SETMAR: variants seen among roughly 807,000 people sequenced by gnomAD.
SETMAR encodes the protein SET and mariner transposase domain methyltransferase.
SETMAR carries 44 observed loss-of-function variants against 58.4 expected under a neutral mutation model. That is an observed-to-expected ratio of 0.75 (90% CI 0.59 to 0.97). SETMAR has a LOEUF of 0.97. Among genes scored for constraint, SETMAR ranks in the 50% least tolerant of loss-of-function variants. The pLI, the probability that SETMAR is intolerant of heterozygous loss-of-function variation, is 0.00. For missense variants in SETMAR, 903 were observed against 840.2 expected, an observed-to-expected ratio of 1.07 and a Z score of -0.92; for synonymous variants, 332 against 307.4, an observed-to-expected ratio of 1.08 and a Z score of -0.84.
At chr3:4,304,879 G>C (rs902172565) in intron 1 of SETMAR, among the ~76,000 whole-genome samples, 1 of 151,318 alleles carries the variant, frequency 6.6e-6, no homozygotes, top group African/African-American at 2.4e-5. Context: ...GGCACAGCCT[G>C]GTTTTATACA....
In SETMAR at chr3:4,316,489, C is replaced by T. The variant is rs1333708420; in HGVS notation, c.1298C>T (p.Ala433Val). The T allele has an allele frequency of 2.5e-6, 4 of 1,601,572 alleles. No homozygotes were observed. The highest frequency in any genetic ancestry group is 3.4e-6 in the Non-Finnish European group (4 of 1,173,824). Residue 433 changes from alanine to valine, a missense_variant, in exon 3 of 3, where the codon GCT becomes GTT. By Grantham distance (64) the Ala-to-Val change is moderately conservative. Coordinates refer to ENST00000358065, the MANE Select transcript of SETMAR (RefSeq NM_006515.4). ...ADPLTTTREVAEELNVNHSTV... is the reference protein window; with the variant it reads ...ADPLTTTREVVEELNVNHSTV... ...CCCCTTACAACTACACGAGAAGTTGCTGAAGAACTCAATGTCAACCATTCT... is the reference window on the plus strand; with the variant it reads ...CCCCTTACAACTACACGAGAAGTTGTTGAAGAACTCAATGTCAACCATTCT...
chr3:4,309,314 T>G (rs1698314603), intron 1 of SETMAR, among the ~76,000 whole-genome samples: 2 of 152,182 alleles, frequency 1.3e-5, no homozygotes, highest in African/African-American at 4.8e-5. Context: ...CATCATGACC[T>G]GAACTAGTTT....
At chr3:4,304,576 TA>T (rs1690249442) in intron 1 of SETMAR, among the ~76,000 whole-genome samples, 1 of 152,238 alleles carries the variant, frequency 6.6e-6, no homozygotes, top group African/African-American at 2.4e-5. Flanking sequence ...ACATCTTAGC[TA>T]CTTCCCAGAG....
intron 1 of SETMAR, among the ~76,000 whole-genome samples, chr3:4,308,802 A>G (rs569828187): frequency 1.8e-4 from 27 of 152,332 alleles, no homozygotes; most frequent in Non-Finnish European, 3.2e-4. Flanking sequence ...ATCTTTGTTC[A>G]TTGACCATTT....
At chr3:4,312,855 T>C (rs1159845507) in intron 1 of SETMAR, 43 bp from the exon 2 acceptor site, 2 of 1,547,380 alleles carry the variant, frequency 1.3e-6, no homozygotes, top group Non-Finnish European at 1.7e-6. Flanking sequence ...ATAGGAAATA[T>C]ATGACATGCC....
At chr3:4,304,744 G>T (rs1698116038) in intron 1 of SETMAR, among the ~76,000 whole-genome samples, 1 of 152,174 alleles carries the variant, frequency 6.6e-6, no homozygotes, top group Non-Finnish European at 1.5e-5. Flanking sequence ...AGCTTTCAAA[G>T]ATGTCAAGGA....
In SETMAR at chr3:4,313,862, T is replaced by C. The variant is rs147603253; in HGVS notation, c.1020+101T>C. 1.8e-3 allele frequency: 2,775 copies of C among 1,554,852 alleles called. 9 individuals are homozygous for C. Among genetic ancestry groups the C allele is most frequent in the Middle Eastern group, 6.9e-3 (40 of 5,770 alleles). ...TAGTTACATAAGTTTAACTCAGGAA[T>C]GTGGCAGAGACTGCAAGTTGTCCAT... On this transcript the variant is annotated intron_variant, in intron 2 of 2. Coordinates refer to ENST00000358065, the MANE Select transcript of SETMAR (RefSeq NM_006515.4).
Position 4,316,704 on chromosome 3 carries a change from C to G in SETMAR, c.1513C>G (p.Arg505Gly). ...CDEKWILYDNRRRSAQWLDQE... is the reference protein window; with the variant it reads ...CDEKWILYDNGRRSAQWLDQE... ...TGAAAAGTGGATTTTATATGACAAC[C>G]GGCGACGATCAGCTCAGTGGTTGGA... Residue 505 changes from arginine to glycine, a missense_variant, in exon 3 of 3, where the codon CGG (arginine) becomes GGG (glycine). Arg to Gly is a moderately radical substitution (Grantham distance 125). Transcript: ENST00000358065. 6.4e-7 allele frequency: 1 copy of G among 1,550,938 alleles called. No homozygotes were observed. The highest frequency in any genetic ancestry group is 1.2e-5 in the South Asian group (1 of 84,044).
At chr3:4,312,468 A>C (rs1489785248) in intron 1 of SETMAR, among the ~76,000 whole-genome samples, 1 of 152,096 alleles carries the variant, frequency 6.6e-6, no homozygotes, top group East Asian at 1.9e-4. Context: ...ATGTGTACCT[A>C]TATATAACAT....
intron 1 of SETMAR, among the ~76,000 whole-genome samples, chr3:4,312,354 G>C (rs898822206): frequency 8.6e-5 from 13 of 152,046 alleles, no homozygotes; most frequent in African/African-American, 2.9e-4. Flanking sequence ...AAAGATAAGA[G>C]GGAAACAAAA....
Position 4,303,896 on chromosome 3 carries a change from G to T in SETMAR, c.156+370G>T, listed in dbSNP as rs544056115. 1.0e-4 allele frequency: 129 copies of T among 1,247,468 alleles called. 2 individuals are homozygous for T. In the South Asian group the frequency reaches 1.8e-3, roughly 17 times the overall value. The allele number at this position is 1,247,468 out of a possible 1,614,324, so 77.3% of individuals were successfully genotyped here. ...AGGATAAGCCGTGGGGCCTATTAAT[G>T]GATCGCAGCCGGTGTCGTGCATAAA... On this transcript the variant is annotated intron_variant, in intron 1 of 2. Transcript: ENST00000358065.
intron 1 of SETMAR, among the ~76,000 whole-genome samples, chr3:4,312,076 T>C (rs1386578179): frequency 6.6e-6 from 1 of 152,226 alleles, no homozygotes; most frequent in East Asian, 1.9e-4. Flanking sequence ...CCTTTCTTAT[T>C]TAATTAGAAT....
chr3:4,316,096 G>C, intron 2 of SETMAR, 116 bp from the exon 3 acceptor site: 1 of 513,194 alleles, frequency 1.9e-6, no homozygotes, highest in Non-Finnish European at 3.5e-6. Flanking sequence ...GTTGGAATTT[G>C]GTATTTGATA....
At position 4,303,418 on chromosome 3, in the gene SETMAR, G is replaced by A. The variant is rs754131927; in HGVS notation, c.48G>A (p.Glu16=). The stretch of plus-strand genomic sequence containing the variant: ...CGACACGGCCTTGTGGGATGGCGGA[G>A]TTTAAGGAGAAGCCTGAGGCCCCGA... ...AKTTRPCGMA[E]FKEKPEAPTE... Residue 16 remains glutamate, a synonymous_variant, in exon 1 of 3, where the codon GAG becomes GAA. Transcript: ENST00000358065. The A allele has an allele frequency of 3.2e-6, 5 of 1,555,614 alleles. No homozygotes were observed. The South Asian group carries it at 6.1e-5, about 19-fold the overall frequency.
At chr3:4,304,835 G>A (rs1698120150) in intron 1 of SETMAR, among the ~76,000 whole-genome samples, 1 of 152,114 alleles carries the variant, frequency 6.6e-6, no homozygotes, top group East Asian at 1.9e-4. Context: ...ACAGCCCTCA[G>A]GAGATGCTGA....
rs116755155 is a variant in SETMAR, at chr3:4,307,979, G to A, written c.156+4453G>A. Among the ~76,000 whole-genome samples the A allele has an allele frequency of 9.8e-3, 1,490 of 152,146 alleles. 15 individuals are homozygous for A. The highest frequency in any genetic ancestry group is 0.033 in the African/African-American group (1,352 of 41,496). On this transcript the variant is annotated intron_variant, in intron 1 of 2. Transcript: ENST00000358065. ...TTGAGCCCAGCAGTTGGAGCCTGCA[G>A]TGAGCTATGATCATGCCATTGCACT...
Position 4,313,617 on chromosome 3 carries a change from AT to A in SETMAR, c.877del (p.Ser293HisfsTer16). Reference sequence around the variant, plus strand: ...GGAAACCTTGTTACTGTGGTGCCAAATCATGTACTGCTTTCCTGCCTTTTGA... The same window carrying A: ...GGAAACCTTGTTACTGTGGTGCCAAACATGTACTGCTTTCCTGCCTTTTGA... The part of the protein sequence containing the change: ...LRKPCYCGAK[S>X]CTAFLPFDSS... On this transcript the variant is annotated frameshift_variant, in exon 2 of 3. Coordinates refer to ENST00000358065, the MANE Select transcript of SETMAR (RefSeq NM_006515.4). LOFTEE classifies it high-confidence loss of function. 1 of 1,614,120 alleles carries A rather than the reference AT, an allele frequency of 6.2e-7. No homozygotes were observed. Among genetic ancestry groups the A allele is most frequent in the South Asian group, 1.1e-5 (1 of 91,090 alleles).
intron 1 of SETMAR, among the ~76,000 whole-genome samples, chr3:4,307,613 A>G (rs1208822626): frequency 1.3e-5 from 2 of 152,234 alleles, no homozygotes; most frequent in Non-Finnish European, 2.9e-5. Context: ...CAGTGCTTCA[A>G]GGATCTGATT....
chr3:4,312,838 G>A, intron 1 of SETMAR, 60 bp from the exon 2 acceptor site: 1 of 1,520,216 alleles, frequency 6.6e-7, no homozygotes, highest in Non-Finnish European at 8.8e-7. Context: ...GAAGCTACTT[G>A]GAATATATAG....
Sources: gnomAD v4.1 joint callset for allele counts (sites outside exome capture counted in the v4.1 genomes callset) on GRCh38, gnomAD v4.1.1 for gene constraint, MANE v1.5 for transcripts, NCBI Gene and HGNC (gene_info 2026-07-23, HGNC 2026-07-21) for gene names.